Variants in OPN3 observed in about 807,000 individuals in gnomAD.
OPN3 encodes the protein opsin-3.
Under a neutral mutation model 33.8 loss-of-function variants are expected in OPN3, and 29 were observed. The ratio of observed to expected loss-of-function variants is 0.86; its 90% confidence interval spans 0.64 to 1.17. OPN3 has a LOEUF of 1.17. OPN3 is among the 50% of genes most tolerant of loss of function. The pLI is 0.00. For synonymous variants in OPN3, 216 were observed against 216.1 expected (o/e 1.00, Z 0.00); for missense variants, 437 against 514.1 (o/e 0.85, Z 1.45).
chr1:241,629,407 AT>A (rs1395095232), intron 1 of OPN3: 1 of 152,120 alleles, frequency 6.6e-6, no homozygotes, highest in South Asian at 2.1e-4. Context: ...TCAAAGTTGC[AT>A]TTTTAATATT....
intron 1 of OPN3, among the ~76,000 whole-genome samples, chr1:241,637,881 C>G (rs1215901889): frequency 6.6e-6 from 1 of 152,200 alleles, no homozygotes; most frequent in Non-Finnish European, 1.5e-5. Context: ...GCCTCTGCAT[C>G]AAGAAGCTAC....
intron 3 of OPN3, 42 bp downstream of exon 3, chr1:241,597,704 C>T (rs374500773): frequency 6.3e-7 from 1 of 1,593,898 alleles, no homozygotes; most frequent in South Asian, 1.1e-5. Context: ...ATTTCCAACT[C>T]TATGCCCAGG....
At chr1:241,635,843 C>T (rs1258767278) in intron 1 of OPN3, 1 of 1,408,138 alleles carries the variant, frequency 7.1e-7, no homozygotes, top group East Asian at 2.3e-5. Context: ...AAAATCTGTC[C>T]TTCTGATGTT....
At position 241,607,379 on chromosome 1, in the gene OPN3, G is replaced by A. The variant is rs183099574; in HGVS notation, c.374-2800C>T. On this transcript the variant is annotated intron_variant, in intron 1 of 3. Transcript: ENST00000366554. ...AAAATACAAAAATTAGACAGGCATGGTGGCATGCATCTGTAATCCCAGCTA... is the reference window on the plus strand; with the variant it reads ...AAAATACAAAAATTAGACAGGCATGATGGCATGCATCTGTAATCCCAGCTA... Among the ~76,000 whole-genome samples, 327 of 152,132 alleles carry A rather than the reference G, an allele frequency of 2.1e-3. 2 individuals are homozygous for A. The highest frequency in any genetic ancestry group is 3.5e-3 in the Non-Finnish European group (239 of 67,992).
At position 241,640,354 on chromosome 1, in the gene OPN3, C is replaced by G. The variant is rs908649840; in HGVS notation, c.-100G>C. 1.9e-6 allele frequency: 2 copies of G among 1,058,370 alleles called. No individual in the cohort carries two copies. The highest frequency in any genetic ancestry group is 2.3e-6 in the Non-Finnish European group (2 of 879,010). 65.6% of individuals were successfully genotyped at this position (1,058,370 alleles called of 1,614,324 possible). ...TGGGGTTGGGGCTCCGCCGCCTGCT[C>G]TAGCCATTGTGCACTGAGGGGCCCG... On this transcript the variant is annotated 5_prime_UTR_variant, in exon 1 of 4. Transcript: ENST00000366554.
intron 1 of OPN3, among the ~76,000 whole-genome samples, chr1:241,621,201 T>C (rs1335958241): frequency 1.3e-5 from 2 of 152,164 alleles, no homozygotes; most frequent in African/African-American, 2.4e-5. Flanking sequence ...GTATTATTAT[T>C]TGCATTTTTC....
Position 241,606,546 on chromosome 1 carries a change from AAAATAAATAAATAAAT to A in OPN3, c.374-1983_374-1968del, listed in dbSNP as rs10677298. Among the ~76,000 whole-genome samples the A allele has an allele frequency of 7.1e-4, 101 of 142,072 alleles. No individual in the cohort carries two copies. The East Asian group carries it at 0.016, about 22-fold the overall frequency. The allele number at this position is 142,072 out of a possible 152,430, so 93.2% of individuals were successfully genotyped here. A position where few individuals can be genotyped will look rare whatever the true frequency, so the allele number is the denominator to read the frequency against. ...GGCAACAAGAGTGAGACTCTGATTC[AAAATAAATAAATAAAT>A]AAATAAATAAATAAATAAATAAATA... On this transcript the variant is annotated intron_variant, in intron 1 of 3. Transcript: ENST00000366554.
chr1:241,640,265 C>A lies in OPN3; in HGVS notation c.-11G>T. On this transcript the variant is annotated 5_prime_UTR_variant, in exon 1 of 4. Transcript: ENST00000366554. ...GTTCCCCGAGTACATGGCCCGGCGC[C>A]GGCGCGCCTGGCGGGCGGAGGCGCT... 8.4e-7 allele frequency: 1 copy of A among 1,194,254 alleles called. No individual in the cohort carries two copies. The highest frequency in any genetic ancestry group is 4.2e-5 in the South Asian group (1 of 23,752). 74.0% of individuals were successfully genotyped at this position (1,194,254 alleles called of 1,614,324 possible).
intron 2 of OPN3, among the ~76,000 whole-genome samples, chr1:241,599,767 A>G (rs1408359056): frequency 3.9e-5 from 6 of 152,082 alleles, no homozygotes; most frequent in Non-Finnish European, 4.4e-5. Flanking sequence ...CAAGTCAACA[A>G]CCTCCTCTAA....
chr1:241,639,661 T>G (rs1351665703), intron 1 of OPN3, among the ~76,000 whole-genome samples: 2 of 118,944 alleles, frequency 1.7e-5, no homozygotes, highest in Non-Finnish European at 3.5e-5. Flanking sequence ...CTGGACAGCG[T>G]GGGGCGGGAG....
intron 1 of OPN3, chr1:241,635,788 G>A (rs764514223): frequency 6.3e-7 from 1 of 1,591,896 alleles, no homozygotes; most frequent in Non-Finnish European, 8.6e-7. Context: ...ACAGCGTCTG[G>A]TGACAACTGC....
intron 3 of OPN3, 64 bp downstream of exon 3, chr1:241,597,682 T>C: frequency 1.3e-6 from 2 of 1,536,920 alleles, no homozygotes; most frequent in Middle Eastern, 1.8e-4. Context: ...TCTGTAAAAG[T>C]ATTACACTGT....
At chr1:241,629,824 T>C (rs888848111) in intron 1 of OPN3, 3 of 152,256 alleles carry the variant, frequency 2.0e-5, no homozygotes, top group South Asian at 2.1e-4. Context: ...CATTGGCTTA[T>C]TAATTTCAGT....
chr1:241,597,879 T>C lies in OPN3; in HGVS notation c.812A>G (p.Tyr271Cys), dbSNP rs1285211028. The change falls in exon 3 of 4, where the codon TAT becomes TGT. Residue 271 changes from tyrosine (Y) to cysteine (C), a missense_variant. Transcript: ENST00000366554. Reference sequence around the variant, plus strand: ...AACCACCAAGAAGCAGATCACGATATAAGGCATCCAACAGACCAGGAAGGT... The same window carrying C: ...AACCACCAAGAAGCAGATCACGATACAAGGCATCCAACAGACCAGGAAGGT... ...IFTFLVCWMP[Y>C]IVICFLVVNG... The C allele has an allele frequency of 6.2e-7, 1 of 1,613,980 alleles. No individual in the cohort carries two copies. The highest frequency in any genetic ancestry group is 8.5e-7 in the Non-Finnish European group (1 of 1,179,990).
chr1:241,626,301 C>CG (rs566455630), intron 1 of OPN3, among the ~76,000 whole-genome samples: 20 of 152,106 alleles, frequency 1.3e-4, no homozygotes, highest in East Asian at 3.9e-4. Flanking sequence ...CAAATCGTTG[C>CG]GGGGGGGTAC....
chr1:241,617,377 A>G (rs1356789919), intron 1 of OPN3, among the ~76,000 whole-genome samples: 1 of 152,248 alleles, frequency 6.6e-6, no homozygotes, highest in Non-Finnish European at 1.5e-5. Context: ...GTGACCTGCA[A>G]TGATGAGTCT....
At chr1:241,619,375 C>T (rs1287263874) in intron 1 of OPN3, among the ~76,000 whole-genome samples, 1 of 152,182 alleles carries the variant, frequency 6.6e-6, no homozygotes, top group East Asian at 1.9e-4. Context: ...CAGGCTGAGC[C>T]AGCCCTGAGG....
intron 1 of OPN3, among the ~76,000 whole-genome samples, chr1:241,614,995 T>G (rs1345988594): frequency 6.6e-6 from 1 of 152,232 alleles, no homozygotes; most frequent in African/African-American, 2.4e-5. Context: ...TTTTCCACAC[T>G]TATGCCTCTG....
chr1:241,600,885 T>C (rs1267875000), intron 2 of OPN3: 1 of 152,042 alleles, frequency 6.6e-6, no homozygotes, highest in Non-Finnish European at 1.5e-5. Context: ...AATTCACTAT[T>C]TGGTGAGGAT....
Sources: allele counts gnomAD v4.1 joint callset (sites outside exome capture counted in the v4.1 genomes callset), GRCh38; gene constraint gnomAD v4.1.1; transcripts MANE v1.5; gene names NCBI Gene and HGNC (gene_info 2026-07-23, HGNC 2026-07-21).